RUFY4: variants seen among roughly 807,000 people sequenced by gnomAD.
RUFY4 encodes the protein RUN and FYVE domain containing 4, also known as RUN and FYVE domain-containing protein 4.
A neutral mutation model predicts 69.0 loss-of-function variants in RUFY4; 73 were observed. That is an observed-to-expected ratio of 1.06 (90% CI 0.88 to 1.29). RUFY4 has a LOEUF of 1.29. Ranked by LOEUF, RUFY4 falls within the 50% of genes most tolerant of loss-of-function variation. RUFY4 has a pLI of 0.00. For missense variants in RUFY4, 770 were observed against 705.6 expected (o/e 1.09, Z -1.03); for synonymous variants, 287 against 271.8 (o/e 1.06, Z -0.55).
intron 2 of RUFY4, among the ~76,000 whole-genome samples, chr2:218,071,634 C>A (rs1336978434): frequency 1.3e-5 from 2 of 152,090 alleles, no homozygotes; most frequent in Non-Finnish European, 2.9e-5. Flanking sequence ...GGGACCCATC[C>A]CCCATCTCAG....
intron 8 of RUFY4, among the ~76,000 whole-genome samples, chr2:218,076,803 C>T (rs1046285844): frequency 1.3e-5 from 2 of 152,232 alleles, no homozygotes; most frequent in African/African-American, 4.8e-5. Context: ...TTCCCACCCT[C>T]ACCCCTGCCT....
At chr2:218,074,054 G>C (rs1199193481) in intron 6 of RUFY4, 169 bp downstream of exon 8, 2 of 686,488 alleles carry the variant, frequency 2.9e-6, no homozygotes, top group Non-Finnish European at 5.1e-6. Flanking sequence ...GAGCTGCAGA[G>C]GAGGAGAGGG....
intron 3 of RUFY4, chr2:218,059,091 G>A (rs1198979598): frequency 2.0e-5 from 3 of 152,172 alleles, no homozygotes; most frequent in African/African-American, 7.3e-5. Flanking sequence ...GCTCACTCTT[G>A]CCCCACTTCT....
intron 2 of RUFY4, among the ~76,000 whole-genome samples, chr2:218,035,765 A>C (rs1490726237): frequency 6.6e-6 from 1 of 152,218 alleles, no homozygotes; most frequent in Non-Finnish European, 1.5e-5. Flanking sequence ...TATTAAAACC[A>C]GGCACCCTGC....
At chr2:218,070,208 C>A, upstream of RUFY4, 1 of 273,998 alleles carries the variant, frequency 3.6e-6, no homozygotes, top group South Asian at 4.3e-5. Flanking sequence ...CCTGTGGGCA[C>A]AGACACCTGA....
At chr2:218,080,112 G>A (rs538589400) in intron 8 of RUFY4, among the ~76,000 whole-genome samples, 1 of 152,322 alleles carries the variant, frequency 6.6e-6, no homozygotes, top group Admixed American at 6.5e-5. Flanking sequence ...TGACAGGCAG[G>A]CCAGATGCAT....
chr2:218,047,090 C>G (rs1422026234), intron 2 of RUFY4, among the ~76,000 whole-genome samples: 1 of 140,240 alleles, frequency 7.1e-6, no homozygotes, highest in East Asian at 2.1e-4. Flanking sequence ...GAAAAGATTA[C>G]ACTTTTCTTC....
At chr2:218,074,233 A>G (rs902089901) in intron 6 of RUFY4, among the ~76,000 whole-genome samples, 13 of 152,172 alleles carry the variant, frequency 8.5e-5, no homozygotes, top group Non-Finnish European at 1.6e-4. Flanking sequence ...GCACTGGACA[A>G]TTGACACATG....
At chr2:218,036,025 A>G (rs375671052) in intron 2 of RUFY4, among the ~76,000 whole-genome samples, 1 of 152,186 alleles carries the variant, frequency 6.6e-6, no homozygotes, top group African/African-American at 2.4e-5. Context: ...GGCCCAGAAC[A>G]CAGGCCCTGT....
At chr2:218,077,579 C>T (rs1689664372) in intron 8 of RUFY4, among the ~76,000 whole-genome samples, 1 of 152,194 alleles carries the variant, frequency 6.6e-6, no homozygotes, top group Non-Finnish European at 1.5e-5. Flanking sequence ...GTGTCTCTCT[C>T]CTGTGGTCTC....
upstream of RUFY4, among the ~76,000 whole-genome samples, chr2:218,065,883 G>A (rs972607871): frequency 6.6e-6 from 1 of 152,236 alleles, no homozygotes; most frequent in African/African-American, 2.4e-5. Flanking sequence ...CTCTGGCCAG[G>A]CCGTGTCAGG....
chr2:218,078,638 T>G (rs1689690811), intron 8 of RUFY4, among the ~76,000 whole-genome samples: 1 of 152,222 alleles, frequency 6.6e-6, no homozygotes, highest in South Asian at 2.1e-4. Context: ...GATGTTTACA[T>G]GCTTTTTCAA....
At chr2:218,086,841 G>A (rs1559439279) in intron 9 of RUFY4, among the ~76,000 whole-genome samples, 1 of 152,102 alleles carries the variant, frequency 6.6e-6, no homozygotes, top group Non-Finnish European at 1.5e-5. Flanking sequence ...GAAGGACCAA[G>A]GACCCAGGAG....
Position 218,083,782 on chromosome 2 carries a change from A to G in RUFY4, c.1502+526A>G, listed in dbSNP as rs571147189. ...AGGCAGACTTAGTCATCTAGGACAC[A>G]TAGCATATAAATTGTATAGAGTCCC... On this transcript the variant is annotated intron_variant, in intron 9 of 10. Coordinates refer to ENST00000344321, the Ensembl canonical transcript of RUFY4. Among the ~76,000 whole-genome samples, 3 of 152,046 alleles carry G rather than the reference A, an allele frequency of 2.0e-5. 1 individual carries two copies. Among genetic ancestry groups the G allele is most frequent in the Middle Eastern group, 6.8e-3 (2 of 294 alleles).
At chr2:218,078,004 G>T (rs868503450) in intron 8 of RUFY4, among the ~76,000 whole-genome samples, 2 of 152,110 alleles carry the variant, frequency 1.3e-5, no homozygotes, top group African/African-American at 4.8e-5. Flanking sequence ...CAGTGCTCCG[G>T]CCACCTGTCA....
At chr2:218,084,855 C>G (rs1022653369) in intron 9 of RUFY4, among the ~76,000 whole-genome samples, 2 of 152,112 alleles carry the variant, frequency 1.3e-5, no homozygotes, top group African/African-American at 4.8e-5. Context: ...CAAGACCAGC[C>G]TGAACAACAT....
intron 2 of RUFY4, among the ~76,000 whole-genome samples, chr2:218,051,584 A>G (rs1688944669): frequency 6.6e-6 from 1 of 151,462 alleles, no homozygotes; most frequent in South Asian, 2.1e-4. Context: ...AAAAAAAAAA[A>G]AAAACACAGA....
chr2:218,060,488 G>A (rs1019320233), intron 3 of RUFY4: 4 of 1,320,732 alleles, frequency 3.0e-6, no homozygotes, highest in Non-Finnish European at 4.4e-6. Context: ...GCGTAGATGA[G>A]GGGATTGAGG....
chr2:218,056,510 GCTCATC>G (rs1689069925), intron 2 of RUFY4, among the ~76,000 whole-genome samples: 1 of 152,258 alleles, frequency 6.6e-6, no homozygotes, highest in African/African-American at 2.4e-5. Context: ...ACAGGGATGG[GCTCATC>G]CTGGCATGAA....
Sources: allele counts gnomAD v4.1 joint callset (sites outside exome capture counted in the v4.1 genomes callset), GRCh38; gene constraint gnomAD v4.1.1; transcripts MANE v1.5; gene names NCBI Gene and HGNC (gene_info 2026-07-23, HGNC 2026-07-21).